Variants in SASS6 observed in about 807,000 individuals in gnomAD.
SASS6 encodes the protein spindle assembly abnormal protein 6 homolog.
A neutral mutation model predicts 94.9 loss-of-function variants in SASS6; 59 were observed. That is an observed-to-expected ratio of 0.62 (90% CI 0.50 to 0.77). SASS6 has a LOEUF of 0.77. SASS6 is among the 30% of genes least tolerant of loss of function. SASS6 has a pLI of 0.00. For missense variants in SASS6, 698 were observed against 734.1 expected (o/e 0.95, Z 0.57); for synonymous variants, 264 against 270.0 (o/e 0.98, Z 0.22).
At chr1:100,114,226 A>T (rs2101674645) in intron 7 of SASS6, among the ~76,000 whole-genome samples, 1 of 152,276 alleles carries the variant, frequency 6.6e-6, no homozygotes, top group Admixed American at 6.5e-5. Context: ...ATTCCCTGTT[A>T]TTTCACTGTT....
intron 1 of SASS6, among the ~76,000 whole-genome samples, chr1:100,128,473 G>A (rs905533512): frequency 1.3e-5 from 2 of 152,166 alleles, no homozygotes; most frequent in Non-Finnish European, 2.9e-5. Context: ...TCATATTAAT[G>A]ATATTGTTGC....
intron 15 of SASS6, among the ~76,000 whole-genome samples, chr1:100,087,078 G>A (rs1351800294): frequency 1.3e-5 from 2 of 152,134 alleles, no homozygotes; most frequent in African/African-American, 4.8e-5. Context: ...CTTGCCTCCT[G>A]GGTTGAAGCG....
At chr1:100,107,283 G>T in intron 11 of SASS6, 91 bp downstream of exon 11, 3 of 761,106 alleles carry the variant, frequency 3.9e-6, no homozygotes, top group Non-Finnish European at 6.4e-6. Context: ...AAAAAAACAA[G>T]ACCAAAGCCA....
At chr1:100,111,193 A>T (rs1316402344) in intron 7 of SASS6, among the ~76,000 whole-genome samples, 1 of 152,014 alleles carries the variant, frequency 6.6e-6, no homozygotes, top group Non-Finnish European at 1.5e-5. Context: ...ATAACCCATA[A>T]TCCCATCCAG....
rs896284430 is a variant in SASS6 at position 100,083,779 on chromosome 1, C to T, written c.*1549G>A. On this transcript the variant is annotated 3_prime_UTR_variant, in exon 17 of 17. Coordinates refer to ENST00000287482, the MANE Select transcript of SASS6 (RefSeq NM_194292.3). Reference sequence around the variant, plus strand: ...ATCAGAATGATCTCTCCTGAAAATTCAACTTTCCTTGTGTATATATATGCA... The same window carrying T: ...ATCAGAATGATCTCTCCTGAAAATTTAACTTTCCTTGTGTATATATATGCA... 6.6e-6 allele frequency: 1 copy of T among 151,940 alleles called. No individual in the cohort carries two copies. The highest frequency in any genetic ancestry group is 2.4e-5 in the African/African-American group (1 of 41,396). The allele number at this position is 151,940 out of a possible 1,614,324, so 9.4% of individuals were successfully genotyped here.
intron 8 of SASS6, among the ~76,000 whole-genome samples, chr1:100,109,965 GA>G (rs368207558): frequency 2.0e-5 from 3 of 151,152 alleles, no homozygotes; most frequent in Non-Finnish European, 4.4e-5. Flanking sequence ...GCAGGTTGAG[GA>G]AAAAAAACCC....
At chr1:100,087,108 C>A (rs1651344534) in intron 15 of SASS6, among the ~76,000 whole-genome samples, 1 of 152,152 alleles carries the variant, frequency 6.6e-6, no homozygotes, top group South Asian at 2.1e-4. Context: ...CTTCAGCCTC[C>A]TGAGTAACTG....
At chr1:100,123,342 G>A (rs1654344115) in intron 2 of SASS6, 53 bp from the exon 3 acceptor site, 1 of 830,916 alleles carries the variant, frequency 1.2e-6, no homozygotes, top group Admixed American at 2.4e-5. Flanking sequence ...GGCCTTTTGA[G>A]TAATTTCTTC....
Position 100,119,016 on chromosome 1 carries a change from A to G in SASS6, c.669+2T>C. Reference sequence around the variant, plus strand: ...TTTTTCAGTTTCCTTTAATGTTCTTACCTGCAAGGCTTTTTCCTTTTCATT... The same window carrying G: ...TTTTTCAGTTTCCTTTAATGTTCTTGCCTGCAAGGCTTTTTCCTTTTCATT... On this transcript the variant is annotated splice_donor_variant, in intron 7 of 16. Coordinates refer to ENST00000287482, the MANE Select transcript of SASS6 (RefSeq NM_194292.3). LOFTEE classifies it high-confidence loss of function. 6.4e-7 allele frequency: 1 copy of G among 1,554,156 alleles called. No individual in the cohort carries two copies. The highest frequency in any genetic ancestry group is 1.3e-5 in the South Asian group (1 of 79,048).
chr1:100,094,932 C>T (rs188048616), intron 14 of SASS6, among the ~76,000 whole-genome samples: 1 of 151,220 alleles, frequency 6.6e-6, no homozygotes, highest in East Asian at 1.9e-4. Context: ...AAAGAATACA[C>T]CATGACCAAG....
Position 100,123,201 on chromosome 1 carries a change from TTTAG to T in SASS6, c.206+5_206+8del. The T allele has an allele frequency of 8.0e-7, 1 of 1,254,044 alleles. No individual in the cohort carries two copies. Among genetic ancestry groups the T allele is most frequent in the Non-Finnish European group, 1.1e-6 (1 of 871,640 alleles). 77.7% of individuals were successfully genotyped at this position (1,254,044 alleles called of 1,614,324 possible). A position where few individuals can be genotyped will look rare whatever the true frequency, so the allele number is the denominator to read the frequency against. ...CACTAAATATAAGATCAGAAAAAAA[TTTAG>T]TTACCTTTGAAAATCTTCCTCAGAT... On this transcript the variant is annotated splice_donor_5th_base_variant and intron_variant, in intron 3 of 16. Transcript: ENST00000287482.
chr1:100,085,432 G>C lies in SASS6; in HGVS notation c.1870C>G (p.His624Asp). The change falls in exon 17 of 17, where the codon CAT becomes GAT. Residue 624 changes from histidine (H) to aspartate (D), a missense_variant and splice_region_variant. By Grantham distance (81) the His-to-Asp change is moderately conservative. Coordinates refer to ENST00000287482, the MANE Select transcript of SASS6 (RefSeq NM_194292.3). ...GCTCCTAAAGTGCCATCTCTCTGAT[G>C]GTCTGCAAATGAGGACAAAAAAAGG... ...LSQNLFSNSDHQRDGTLGALH... is the reference protein window; with the variant it reads ...LSQNLFSNSDDQRDGTLGALH... 3.7e-6 allele frequency: 6 copies of C among 1,606,740 alleles called. No homozygotes were observed. The highest frequency in any genetic ancestry group is 5.1e-6 in the Non-Finnish European group (6 of 1,173,442).
chr1:100,104,783 TAAAAA>T (rs546359132), intron 13 of SASS6, among the ~76,000 whole-genome samples: 2 of 127,300 alleles, frequency 1.6e-5, no homozygotes, highest in Non-Finnish European at 3.4e-5. Flanking sequence ...TTTCTCAGGT[TAAAAA>T]AAAAAAAAAA....
In SASS6 at chr1:100,120,398, C is replaced by T. The variant is rs374162430; in HGVS notation, c.545G>A (p.Arg182Gln). The T allele has an allele frequency of 1.9e-5, 28 of 1,490,646 alleles. No individual in the cohort carries two copies. The African/African-American group carries it at 2.5e-4, about 13-fold the overall frequency. The allele number at this position is 1,490,646 out of a possible 1,614,324, so 92.3% of individuals were successfully genotyped here. A position where few individuals can be genotyped will look rare whatever the true frequency, so the allele number is the denominator to read the frequency against. Residue 182 changes from arginine (R) to glutamine (Q), a missense_variant, in exon 6 of 17, where the codon CGA (arginine) becomes CAA (glutamine). By Grantham distance (43) the Arg-to-Gln change is conservative. Coordinates refer to ENST00000287482, the MANE Select transcript of SASS6 (RefSeq NM_194292.3). The part of the protein sequence containing the change: ...DDATKQLDFT[R>Q]KTLAEKKQEL... Reference sequence around the variant, plus strand: ...ACAAAATGAAATTTGAATTACCTTTCGTGTAAAGTCCAGTTGCTTAGTAGC... The same window carrying T: ...ACAAAATGAAATTTGAATTACCTTTTGTGTAAAGTCCAGTTGCTTAGTAGC...
At chr1:100,128,403 C>CT (rs752945715) in intron 1 of SASS6, among the ~76,000 whole-genome samples, 10 of 152,146 alleles carry the variant, frequency 6.6e-5, no homozygotes, top group Non-Finnish European at 1.2e-4. Context: ...GAAGAATTCA[C>CT]TTATCAAAGT....
At chr1:100,098,156 A>C (rs1652233523) in intron 14 of SASS6, among the ~76,000 whole-genome samples, 2 of 152,216 alleles carry the variant, frequency 1.3e-5, no homozygotes, top group African/African-American at 4.8e-5. Context: ...AATAAAAACA[A>C]ACCAAAAATT....
Position 100,122,491 on chromosome 1 carries a change from A to G in SASS6, c.207-7T>C. ...ACCTTGCTGGAATTTTAAACTATAC[A>G]GAAGAAAGGAAAAGAAATTTTTTAA... On this transcript the variant is annotated splice_polypyrimidine_tract_variant and splice_region_variant and intron_variant, in intron 3 of 16. Transcript: ENST00000287482. 1 of 1,249,402 alleles carries G rather than the reference A, an allele frequency of 8.0e-7. No individual in the cohort carries two copies. Among genetic ancestry groups the G allele is most frequent in the Admixed American group, 2.2e-5 (1 of 44,876 alleles). 77.4% of individuals were successfully genotyped at this position (1,249,402 alleles called of 1,614,324 possible). A position where few individuals can be genotyped will look rare whatever the true frequency, so the allele number is the denominator to read the frequency against.
intron 15 of SASS6, among the ~76,000 whole-genome samples, chr1:100,087,647 A>G (rs1651405218): frequency 6.6e-6 from 1 of 152,180 alleles, no homozygotes. Flanking sequence ...ATCTATGGGA[A>G]AATCTCACAA....
At chr1:100,097,201 C>T (rs80103198) in intron 14 of SASS6, among the ~76,000 whole-genome samples, 7,384 of 152,212 alleles carry the variant, frequency 0.049, 207 homozygotes, top group African/African-American at 0.067. Context: ...TGGAAGGATG[C>T]AGAACAACTT....
Sources: allele counts gnomAD v4.1 joint callset (sites outside exome capture counted in the v4.1 genomes callset), GRCh38; gene constraint gnomAD v4.1.1; transcripts MANE v1.5; gene names NCBI Gene and HGNC (gene_info 2026-07-23, HGNC 2026-07-21).